CPQ: variants seen among roughly 807,000 people sequenced by gnomAD.
CPQ encodes Ser-Met dipeptidase.
A neutral mutation model predicts 45.7 loss-of-function variants in CPQ; 37 were observed. The ratio of observed to expected loss-of-function variants is 0.81; its 90% CI spans 0.62 to 1.07. The LOEUF (loss-of-function observed/expected upper bound fraction) is 1.07, where lower values mean the gene tolerates loss of function less well. CPQ is among the 50% of genes least tolerant of loss of function. CPQ has a pLI of 0.00. For synonymous variants in CPQ, 186 were observed against 205.8 expected, an observed-to-expected ratio of 0.90 and a Z score of 0.82; for missense variants, 537 against 572.9, an observed-to-expected ratio of 0.94 and a Z score of 0.64.
intron 5 of CPQ, among the ~76,000 whole-genome samples, chr8:97,007,561 A>G (rs780903046): frequency 1.4e-4 from 22 of 152,192 alleles, no homozygotes; most frequent in Non-Finnish European, 3.1e-4. Flanking sequence ...CCTTAGAAAA[A>G]TTCCTTACTT....
At chr8:96,886,364 G>A (rs979740160) in intron 4 of CPQ, among the ~76,000 whole-genome samples, 3 of 152,084 alleles carry the variant, frequency 2.0e-5, no homozygotes, top group African/African-American at 7.2e-5. Flanking sequence ...GAAAATGAGC[G>A]CTTTTTGATT....
At chr8:96,664,574 T>C (rs952751589) in intron 1 of CPQ, among the ~76,000 whole-genome samples, 8 of 152,212 alleles carry the variant, frequency 5.3e-5, no homozygotes, top group African/African-American at 1.9e-4. Flanking sequence ...TAGTTTATAG[T>C]GGCATGATTT....
chr8:96,654,465 G>A lies in CPQ; in HGVS notation c.-35+9063G>A, dbSNP rs368372267. ...AGGCTTTCATGATGTTCTCTCTATCGGGGTTCTCTAACATAGCACTGACAT... is the reference window on the plus strand; with the variant it reads ...AGGCTTTCATGATGTTCTCTCTATCAGGGTTCTCTAACATAGCACTGACAT... On this transcript the variant is annotated intron_variant, in intron 1 of 7. Coordinates refer to ENST00000220763, the MANE Select transcript of CPQ (RefSeq NM_016134.4). Among the ~76,000 whole-genome samples, 312 of 152,010 alleles carry A rather than the reference G, an allele frequency of 2.1e-3. 4 individuals carry two copies. Among genetic ancestry groups the A allele is most frequent in the African/African-American group, 7.0e-3 (291 of 41,438 alleles).
intron 1 of CPQ, among the ~76,000 whole-genome samples, chr8:96,747,973 G>A (rs1004593191): frequency 2.6e-5 from 4 of 152,228 alleles, no homozygotes; most frequent in South Asian, 2.1e-4. Flanking sequence ...CAGCAATTAC[G>A]GATTTCATTT....
In CPQ at chr8:97,127,800, C is replaced by T. The variant is rs118120094; in HGVS notation, c.1256-15220C>T. ...AACTATGCAATAATGTGGATGAATT[C>T]CCAAATCATTATGCTGAGCAAAAGA... On this transcript the variant is annotated intron_variant, in intron 7 of 7. Transcript: ENST00000220763. Among the ~76,000 whole-genome samples the T allele has an allele frequency of 5.1e-4, 77 of 152,218 alleles. No homozygotes were observed. The East Asian group carries it at 0.014, about 27-fold the overall frequency.
At position 96,899,276 on chromosome 8, in the gene CPQ, A is replaced by G. The variant is rs189929539; in HGVS notation, c.849+19271A>G. 2.4e-3 allele frequency among the ~76,000 whole-genome samples: 361 copies of G among 152,288 alleles called. 1 individual carries two copies. In the Middle Eastern group the frequency reaches 0.024, roughly 10 times the overall value. On this transcript the variant is annotated intron_variant, in intron 4 of 7. Transcript: ENST00000220763. Reference sequence around the variant, plus strand: ...AGAAGCCATAGGTACAGCCACATACATTGTTAAAATGTGACTTTTTGTATA... The same window carrying G: ...AGAAGCCATAGGTACAGCCACATACGTTGTTAAAATGTGACTTTTTGTATA...
chr8:96,762,722 A>T (rs1020365125), intron 1 of CPQ, among the ~76,000 whole-genome samples: 31 of 152,086 alleles, frequency 2.0e-4, no homozygotes, highest in African/African-American at 6.8e-4. Flanking sequence ...CTTTCAGTTC[A>T]ATTTATTAAT....
intron 5 of CPQ, among the ~76,000 whole-genome samples, chr8:97,018,977 A>C (rs1026986348): frequency 4.6e-5 from 7 of 152,208 alleles, no homozygotes; most frequent in African/African-American, 1.7e-4. Context: ...AACAGCTGTG[A>C]GGCAAAAACA....
intron 4 of CPQ, among the ~76,000 whole-genome samples, chr8:96,941,428 A>T (rs1230627728): frequency 6.6e-6 from 1 of 152,138 alleles, no homozygotes; most frequent in Non-Finnish European, 1.5e-5. Context: ...CTTGCATGTA[A>T]ATCAGCTTCA....
rs1238635148 is a variant in CPQ, at chr8:97,139,740, T to C, written c.1256-3280T>C. On this transcript the variant is annotated intron_variant, in intron 7 of 7. Transcript: ENST00000220763. ...CTGGTGAGATACAGCTAAAGCAGTA[T>C]TGAGGGAAGATTATAGCCTTACTGC... is the stretch of plus-strand genomic sequence containing the variant. Among the ~76,000 whole-genome samples, 8 of 152,170 alleles carry C rather than the reference T, an allele frequency of 5.3e-5. No individual in the cohort carries two copies. The East Asian group carries it at 9.6e-4, about 18-fold the overall frequency.
chr8:97,055,454 G>A, intron 6 of CPQ: 1 of 152,146 alleles, frequency 6.6e-6, no homozygotes, highest in East Asian at 1.9e-4. Context: ...TAGTCATAAA[G>A]CCAAATAAAT....
intron 4 of CPQ, among the ~76,000 whole-genome samples, chr8:96,906,920 A>T (rs1218646389): frequency 6.6e-6 from 1 of 152,192 alleles, no homozygotes; most frequent in African/African-American, 2.4e-5. Flanking sequence ...CTATTTTCTA[A>T]TAAGCTATTA....
At chr8:97,122,093 C>T (rs1811713476) in intron 7 of CPQ, among the ~76,000 whole-genome samples, 1 of 151,892 alleles carries the variant, frequency 6.6e-6, no homozygotes, top group Non-Finnish European at 1.5e-5. Flanking sequence ...AATGGAGTCC[C>T]AGAAAATGTC....
At chr8:96,990,433 C>T (rs1809067393) in intron 5 of CPQ, among the ~76,000 whole-genome samples, 1 of 152,194 alleles carries the variant, frequency 6.6e-6, no homozygotes, top group South Asian at 2.1e-4. Context: ...GCCTAGTGGA[C>T]TCCCAGCTTG....
At chr8:97,073,341 A>T (rs1190037067) in intron 7 of CPQ, among the ~76,000 whole-genome samples, 4 of 152,232 alleles carry the variant, frequency 2.6e-5, no homozygotes, top group African/African-American at 9.6e-5. Context: ...CTGTAAAGTA[A>T]ATTGAAGGTT....
chr8:97,082,437 A>G (rs1473634936), intron 7 of CPQ, among the ~76,000 whole-genome samples: 1 of 152,210 alleles, frequency 6.6e-6, no homozygotes, highest in Admixed American at 6.5e-5. Context: ...AGTGCTGTGC[A>G]GGTAAATACA....
At chr8:97,002,350 T>G (rs1305019433) in intron 5 of CPQ, among the ~76,000 whole-genome samples, 2 of 152,194 alleles carry the variant, frequency 1.3e-5, no homozygotes, top group Admixed American at 1.3e-4. Flanking sequence ...GTAGTGGTGA[T>G]GTTAGGTTGT....
At chr8:96,772,024 G>C (rs1810549717) in intron 1 of CPQ, among the ~76,000 whole-genome samples, 1 of 152,132 alleles carries the variant, frequency 6.6e-6, no homozygotes, top group Non-Finnish European at 1.5e-5. Context: ...GTTATCAGAG[G>C]TATAAGTAGA....
intron 1 of CPQ, among the ~76,000 whole-genome samples, chr8:96,717,428 A>C (rs1388694851): frequency 6.6e-6 from 1 of 151,948 alleles, no homozygotes; most frequent in Non-Finnish European, 1.5e-5. Context: ...GCCTATTTTT[A>C]TACCAGTACC....
Sources: allele counts gnomAD v4.1 joint callset (sites outside exome capture counted in the v4.1 genomes callset), GRCh38; gene constraint gnomAD v4.1.1; transcripts MANE v1.5; gene names NCBI Gene and HGNC (gene_info 2026-07-23, HGNC 2026-07-21).